Variants in RAP1GAP2 observed in about 807,000 individuals in gnomAD.
RAP1GAP2 encodes rap1 GTPase-activating protein 2.
A neutral mutation model predicts 95.0 loss-of-function variants in RAP1GAP2; 27 were observed. The observed-to-expected ratio is 0.28, with a 90% CI of 0.21 to 0.39. The LOEUF (loss-of-function observed/expected upper bound fraction) is 0.39, where lower values mean the gene tolerates loss of function less well. RAP1GAP2 is among the 10% of genes least tolerant of loss of function. RAP1GAP2 has a pLI of 1.00. For missense variants in RAP1GAP2, 771 were observed against 970.0 expected (o/e 0.79, Z 2.72); for synonymous variants, 373 against 380.9 (o/e 0.98, Z 0.24).
intron 2 of RAP1GAP2, among the ~76,000 whole-genome samples, chr17:2,801,394 G>C (rs1179245301): frequency 6.7e-6 from 1 of 150,352 alleles, no homozygotes; most frequent in Non-Finnish European, 1.5e-5. Flanking sequence ...AGAATCACTT[G>C]AACCCAGGAG....
intron 3 of RAP1GAP2, among the ~76,000 whole-genome samples, chr17:2,929,895 C>T (rs1014830797): frequency 1.3e-5 from 2 of 152,210 alleles, no homozygotes; most frequent in Non-Finnish European, 2.9e-5. Context: ...AGTGCACCCA[C>T]TTCTCCAGTA....
chr17:2,899,722 G>T (rs2041963280), intron 2 of RAP1GAP2, among the ~76,000 whole-genome samples: 1 of 151,808 alleles, frequency 6.6e-6, no homozygotes, highest in Admixed American at 6.6e-5. Context: ...TGTTAGCCAG[G>T]TTGTTCTTGA....
At chr17:2,979,591 C>G (rs1022103337) in intron 8 of RAP1GAP2, among the ~76,000 whole-genome samples, 1 of 151,304 alleles carries the variant, frequency 6.6e-6, no homozygotes, top group Admixed American at 6.6e-5. Context: ...CTCAGCCTCC[C>G]AAGTAGCTGG....
At chr17:2,757,932 C>A (rs1009089223) in intron 1 of RAP1GAP2, among the ~76,000 whole-genome samples, 1 of 151,330 alleles carries the variant, frequency 6.6e-6, no homozygotes, top group African/African-American at 2.4e-5. Flanking sequence ...TGGAGTGGCG[C>A]GATCTCGGCT....
At position 3,032,403 on chromosome 17, in the gene RAP1GAP2, T is replaced by C. The variant is rs755163012; in HGVS notation, c.2185-8T>C. ...TTTAAACTCCTGTATGGATTTTTGTTGAAACAGGGTCACTAATGTGAAAGT... is the reference window on the plus strand; with the variant it reads ...TTTAAACTCCTGTATGGATTTTTGTCGAAACAGGGTCACTAATGTGAAAGT... On this transcript the variant is annotated splice_region_variant and splice_polypyrimidine_tract_variant and intron_variant, in intron 23 of 24. Transcript: ENST00000254695. 3.7e-6 allele frequency: 6 copies of C among 1,613,854 alleles called. No individual in the cohort carries two copies. Among genetic ancestry groups the C allele is most frequent in the Admixed American group, 3.3e-5 (2 of 60,012 alleles).
chr17:2,771,049 AAAAC>A lies in RAP1GAP2; in HGVS notation c.167+623_167+626del, dbSNP rs146760366. Among the ~76,000 whole-genome samples the A allele has an allele frequency of 4.6e-3, 696 of 152,058 alleles. 4 individuals are homozygous for A. Among genetic ancestry groups the A allele is most frequent in the African/African-American group, 0.013 (532 of 41,536 alleles). ...GCAACAGAGGGAGACTCTGTTTCAAAAAACAAACAAACAAACAAACAACAAACAA... is the reference window on the plus strand; with the variant it reads ...GCAACAGAGGGAGACTCTGTTTCAAAAAACAAACAAACAAACAACAAACAA... On this transcript the variant is annotated intron_variant, in intron 2 of 25. Coordinates refer to the RAP1GAP2 transcript ENST00000637138.
chr17:2,993,052 T>C (rs994376363), intron 12 of RAP1GAP2, among the ~76,000 whole-genome samples: 1 of 54,840 alleles, frequency 1.8e-5, no homozygotes, highest in Admixed American at 1.7e-4. Flanking sequence ...CTACTAAAAA[T>C]ACAAAAAAAA....
intron 3 of RAP1GAP2, among the ~76,000 whole-genome samples, chr17:2,916,863 C>G (rs1446039413): frequency 1.3e-5 from 2 of 152,190 alleles, no homozygotes; most frequent in African/African-American, 4.8e-5. Context: ...CTTGCCTCTT[C>G]TTATGTATCT....
Position 2,857,781 on chromosome 17 carries a change from G to A in RAP1GAP2, c.81-47503G>A, listed in dbSNP as rs1035173273. Among the ~76,000 whole-genome samples the A allele has an allele frequency of 3.3e-5, 5 of 152,174 alleles. No homozygotes were observed. Among genetic ancestry groups the A allele is most frequent in the African/African-American group, 7.2e-5 (3 of 41,438 alleles). On this transcript the variant is annotated intron_variant, in intron 2 of 24. Transcript: ENST00000254695. This position sits in a 1 kb window ranked among gnomAD's most constrained non-coding sequence, Gnocchi z 4.0. The stretch of plus-strand genomic sequence containing the variant: ...AACAGGCAGCTTTGCTGGGAAGGAC[G>A]GAGGCCGAGGAACACGATCAAAATA...
chr17:2,784,349 C>T (rs1005262665), intron 1 of RAP1GAP2, among the ~76,000 whole-genome samples: 2 of 152,018 alleles, frequency 1.3e-5, no homozygotes, highest in East Asian at 1.9e-4. Context: ...CGGCTCACTG[C>T]GACCTCCATC....
rs552960271 is a variant in RAP1GAP2, at chr17:2,760,980, G to A, written c.50+5213G>A. 2.0e-5 allele frequency among the ~76,000 whole-genome samples: 3 copies of A among 151,900 alleles called. No homozygotes were observed. In the South Asian group the frequency reaches 6.2e-4, roughly 32 times the overall value. On this transcript the variant is annotated intron_variant, in intron 1 of 25. Coordinates refer to the RAP1GAP2 transcript ENST00000637138. ...TCTTTTTCTTTTTTTTTGAGACACA[G>A]TTTCACTCTTGTTGTCCAGGCTGGA...
intron 3 of RAP1GAP2, among the ~76,000 whole-genome samples, chr17:2,915,831 G>A (rs2042550301): frequency 1.3e-5 from 2 of 152,192 alleles, no homozygotes; most frequent in African/African-American, 4.8e-5. Context: ...TCGAATAGCT[G>A]GAACTACAGG....
intron 2 of RAP1GAP2, among the ~76,000 whole-genome samples, chr17:2,832,221 C>CA (rs1411508880): frequency 1.8e-5 from 2 of 109,332 alleles, no homozygotes; most frequent in African/African-American, 3.4e-5. Flanking sequence ...AAAAAGAAAA[C>CA]AAAAAAACCC....
At chr17:2,951,369 C>T (rs2043918784) in intron 3 of RAP1GAP2, among the ~76,000 whole-genome samples, 2 of 152,178 alleles carry the variant, frequency 1.3e-5, no homozygotes, top group African/African-American at 4.8e-5. Flanking sequence ...AAAAAGCCTT[C>T]GTTGACATTT....
In RAP1GAP2 at chr17:3,029,459, G is replaced by C. The variant is rs1376208574; in HGVS notation, c.2108-1463G>C. On this transcript the variant is annotated intron_variant, in intron 22 of 24. Coordinates refer to ENST00000254695, the MANE Select transcript of RAP1GAP2 (RefSeq NM_015085.5). This position sits in a 1 kb window ranked among gnomAD's most constrained non-coding sequence, Gnocchi z 4.4. ...TCAGGGTGGGCTTGGGGGGATCTGG[G>C]AACCGGTTTCATGCTGTTTGGCTGA... is the stretch of plus-strand genomic sequence containing the variant. 1.3e-5 allele frequency among the ~76,000 whole-genome samples: 2 copies of C among 152,170 alleles called. No homozygotes were observed. Among genetic ancestry groups the C allele is most frequent in the Non-Finnish European group, 2.9e-5 (2 of 68,036 alleles).
At chr17:2,864,869 C>T (rs115920466) in intron 2 of RAP1GAP2, among the ~76,000 whole-genome samples, 2 of 152,148 alleles carry the variant, frequency 1.3e-5, no homozygotes, top group African/African-American at 4.8e-5. Context: ...GGAGGCTGCG[C>T]GTCGCAGTAC....
Position 3,030,977 on chromosome 17 carries a change from C to G in RAP1GAP2, c.2163C>G (p.Leu721=), listed in dbSNP as rs765181512. ...ACCTGAAATTCCGCTTTGACAAGCT[C>G]AGCCATGCCAGCTCTGGTGCGGTAA... ...RSNLKFRFDK[L]SHASSGAGH Residue 721 remains leucine (L), a synonymous_variant, in exon 23 of 25, where the codon CTC becomes CTG. Coordinates refer to ENST00000254695, the MANE Select transcript of RAP1GAP2 (RefSeq NM_015085.5). 2.5e-6 allele frequency: 4 copies of G among 1,608,978 alleles called. No individual in the cohort carries two copies. The South Asian group carries it at 3.3e-5, about 13-fold the overall frequency.
chr17:3,006,712 C>T (rs778348596), intron 16 of RAP1GAP2, among the ~76,000 whole-genome samples: 14 of 152,190 alleles, frequency 9.2e-5, no homozygotes, highest in African/African-American at 1.2e-4. Context: ...AGATTACAGG[C>T]GTGAGCCACT....
chr17:3,026,227 T>G, intron 20 of RAP1GAP2, 106 bp downstream of exon 20: 1 of 1,296,778 alleles, frequency 7.7e-7, no homozygotes, highest in Non-Finnish European at 1.1e-6. Flanking sequence ...CCTCTGGAAC[T>G]CTCCAGAACA....
Sources: allele counts gnomAD v4.1 joint callset (sites outside exome capture counted in the v4.1 genomes callset), GRCh38; gene constraint gnomAD v4.1.1; non-coding constraint Gnocchi (gnomAD v3.1); transcripts MANE v1.5; gene names NCBI Gene and HGNC (gene_info 2026-07-23, HGNC 2026-07-21).